TENM2: variants seen among roughly 807,000 people sequenced by gnomAD.
The protein encoded by TENM2 is teneurin-2.
TENM2 carries 52 observed loss-of-function variants against 245.2 expected under a neutral mutation model. That is an observed-to-expected ratio of 0.21 (90% CI 0.17 to 0.27). TENM2 has a LOEUF of 0.27. Ranked by LOEUF, TENM2 falls within the 10% of genes least tolerant of loss-of-function variation. The pLI is 1.00. For missense variants in TENM2, 3,046 were observed against 3,666.8 expected, an observed-to-expected ratio of 0.83 and a Z score of 4.37; for synonymous variants, 1,363 against 1,438.9, an observed-to-expected ratio of 0.95 and a Z score of 1.19.
At chr5:167,556,113 G>A (rs9313383) in intron 2 of TENM2, among the ~76,000 whole-genome samples, 1 of 151,956 alleles carries the variant, frequency 6.6e-6, no homozygotes, top group Non-Finnish European at 1.5e-5. Context: ...TTTTGCCTCT[G>A]TCATCTGTTT....
At chr5:168,053,941 A>T (rs2152065721) in intron 6 of TENM2, among the ~76,000 whole-genome samples, 1 of 152,312 alleles carries the variant, frequency 6.6e-6, no homozygotes, top group South Asian at 2.1e-4. Flanking sequence ...CATCTGAAAA[A>T]CAGGAAAAAT....
At position 167,858,798 on chromosome 5, in the gene TENM2, G is replaced by A. The variant is rs908921747; in HGVS notation, c.503-17188G>A. On this transcript the variant is annotated intron_variant, in intron 2 of 28. Coordinates refer to ENST00000518659, the Ensembl canonical transcript of TENM2. ...CAGCGGAGCTGTCTCAGTCTTTGCC[G>A]CCGCGCCGGCGAGCGCCGCCCGGGA... Among the ~76,000 whole-genome samples the A allele has an allele frequency of 7.3e-5, 11 of 149,930 alleles. No homozygotes were observed. The South Asian group carries it at 8.4e-4, about 11-fold the overall frequency.
Position 167,951,502 on chromosome 5 carries a change from C to T in TENM2, c.713-1086C>T, listed in dbSNP as rs1331057327. 2.6e-5 allele frequency among the ~76,000 whole-genome samples: 4 copies of T among 152,160 alleles called. No homozygotes were observed. The East Asian group carries it at 5.8e-4, about 22-fold the overall frequency. Reference sequence around the variant, plus strand: ...ATATTTCATTTTGTAGATTGAGAATCGGTTGCTAGGAAAACCTTGTGTGGA... The same window carrying T: ...ATATTTCATTTTGTAGATTGAGAATTGGTTGCTAGGAAAACCTTGTGTGGA... On this transcript the variant is annotated intron_variant, in intron 3 of 28. Coordinates refer to ENST00000518659, the Ensembl canonical transcript of TENM2.
At chr5:167,459,728 G>A (rs1766162068) in intron 2 of TENM2, among the ~76,000 whole-genome samples, 1 of 152,190 alleles carries the variant, frequency 6.6e-6, no homozygotes, top group East Asian at 1.9e-4. Flanking sequence ...CAATGGGTGT[G>A]CAGTGACAAA....
chr5:167,263,910 C>A, the TENM2 span, among the ~76,000 whole-genome samples: 35 of 151,946 alleles, frequency 2.3e-4, 1 homozygote, highest in East Asian at 6.8e-3. Flanking sequence ...TTGAGACCAG[C>A]CTGACCAACA....
intron 12 of TENM2, among the ~76,000 whole-genome samples, chr5:168,135,942 A>G (rs1755012433): frequency 6.6e-6 from 1 of 152,066 alleles, no homozygotes; most frequent in African/African-American, 2.4e-5. Flanking sequence ...GTCTTTTCCC[A>G]TTGCTGTTAC....
intron 2 of TENM2, among the ~76,000 whole-genome samples, chr5:167,682,723 G>T (rs1756816788): frequency 6.6e-6 from 1 of 152,058 alleles, no homozygotes; most frequent in Non-Finnish European, 1.5e-5. Flanking sequence ...CCTGCTGCGT[G>T]GCTTGGTTCC....
At chr5:167,475,476 A>AT (rs957650555) in intron 2 of TENM2, among the ~76,000 whole-genome samples, 17 of 151,650 alleles carry the variant, frequency 1.1e-4, no homozygotes, top group South Asian at 4.2e-4. Flanking sequence ...AAAGCATATA[A>AT]TTTTTTTTTG....
At chr5:167,732,242 GA>G (rs1346871602) in intron 2 of TENM2, among the ~76,000 whole-genome samples, 1 of 152,134 alleles carries the variant, frequency 6.6e-6, no homozygotes, top group Non-Finnish European at 1.5e-5. Context: ...GCAGGCTGTA[GA>G]AAAATCACTA....
intron 2 of TENM2, among the ~76,000 whole-genome samples, chr5:167,634,870 C>T (rs1779096544): frequency 6.6e-6 from 1 of 152,046 alleles, no homozygotes; most frequent in African/African-American, 2.4e-5. Flanking sequence ...TTTTAGAGGA[C>T]ATTCAGGGAT....
the TENM2 span, among the ~76,000 whole-genome samples, chr5:167,148,582 A>C: frequency 2.0e-5 from 3 of 152,210 alleles, no homozygotes; most frequent in Non-Finnish European, 2.9e-5. Flanking sequence ...TTTAGTTAAG[A>C]GAAAGAACCA....
intron 2 of TENM2, among the ~76,000 whole-genome samples, chr5:167,770,206 T>C (rs978808314): frequency 6.6e-6 from 1 of 152,136 alleles, no homozygotes; most frequent in Non-Finnish European, 1.5e-5. Flanking sequence ...TTCAAAGGAT[T>C]GGAAGAGGGA....
intron 12 of TENM2, among the ~76,000 whole-genome samples, chr5:168,128,195 T>G (rs920554683): frequency 2.0e-5 from 3 of 152,206 alleles, no homozygotes; most frequent in African/African-American, 7.2e-5. Flanking sequence ...GGCAGTGAAT[T>G]GTTTTTGCAA....
chr5:167,454,452 CTGTG>C (rs5873036), intron 2 of TENM2, among the ~76,000 whole-genome samples: 21,047 of 150,492 alleles, frequency 0.14, 1,568 homozygotes, highest in East Asian at 0.26. Flanking sequence ...CTAGAAATAA[CTGTG>C]TGTGTGTGTG....
chr5:167,625,326 G>C (rs1222771352), intron 2 of TENM2, among the ~76,000 whole-genome samples: 1 of 152,008 alleles, frequency 6.6e-6, no homozygotes, highest in East Asian at 1.9e-4. Context: ...ACCATTCCCT[G>C]GCTACAGTCT....
In TENM2 at chr5:167,295,701, G is replaced by A. The variant is rs115734402; in HGVS notation, c.226+10638G>A. On this transcript the variant is annotated intron_variant, in intron 1 of 28. Coordinates refer to ENST00000518659, the Ensembl canonical transcript of TENM2. The stretch of plus-strand genomic sequence containing the variant: ...AGCATCCCTAGGGACATATGAAGAG[G>A]AAGGGGCTAGCGTGTACTCGAAATG... Among the ~76,000 whole-genome samples the A allele has an allele frequency of 1.7e-3, 261 of 152,250 alleles. 1 individual carries two copies. Among genetic ancestry groups the A allele is most frequent in the African/African-American group, 6.0e-3 (251 of 41,548 alleles).
At chr5:167,066,301 G>A in the TENM2 span, among the ~76,000 whole-genome samples, 1 of 152,108 alleles carries the variant, frequency 6.6e-6, no homozygotes, top group Non-Finnish European at 1.5e-5. Context: ...ATACACAAAG[G>A]TCAGACTCTT....
At chr5:167,972,863 G>T (rs1037307812) in intron 4 of TENM2, among the ~76,000 whole-genome samples, 1 of 152,088 alleles carries the variant, frequency 6.6e-6, no homozygotes, top group African/African-American at 2.4e-5. Flanking sequence ...GCCAGATATA[G>T]TATGAGAAAC....
At chr5:167,320,876 T>C (rs1273669160) in intron 1 of TENM2, among the ~76,000 whole-genome samples, 3 of 152,170 alleles carry the variant, frequency 2.0e-5, no homozygotes, top group East Asian at 3.9e-4. Context: ...TTTTTTATGG[T>C]TGTTCAAATC....
Sources: allele counts gnomAD v4.1 joint callset (sites outside exome capture counted in the v4.1 genomes callset), GRCh38; gene constraint gnomAD v4.1.1; transcripts MANE v1.5; gene names NCBI Gene and HGNC (gene_info 2026-07-23, HGNC 2026-07-21).